Variants in LRP1B observed in about 807,000 individuals in gnomAD.
The protein encoded by LRP1B is LDL receptor related protein 1B, also known as low-density lipoprotein receptor-related protein 1B.
In LRP1B, 217 loss-of-function variants were observed where a neutral mutation model predicts 556.6. The observed-to-expected ratio is 0.39, with a 90% confidence interval of 0.35 to 0.44. LRP1B has a LOEUF of 0.44. Among genes scored for constraint, LRP1B ranks in the 20% least tolerant of loss-of-function variants. LRP1B has a pLI of 1.00. For synonymous variants in LRP1B, 2,047 were observed against 1,865.8 expected (o/e 1.10, Z -2.50); for missense variants, 5,053 against 5,620.8 (o/e 0.90, Z 3.23).
chr2:140,334,566 A>T lies in LRP1B; in HGVS notation c.12117-7T>A. 2.0e-6 allele frequency: 3 copies of T among 1,505,848 alleles called. No individual in the cohort carries two copies. The highest frequency in any genetic ancestry group is 2.7e-6 in the Non-Finnish European group (3 of 1,113,594). The allele number at this position is 1,505,848 out of a possible 1,614,324, so 93.3% of individuals were successfully genotyped here. ...AACAGTCCAGTACATCATCCTGAAG[A>T]GAGCGGGTCAGAGAGGTTAGCCTGG... On this transcript the variant is annotated splice_region_variant and splice_polypyrimidine_tract_variant and intron_variant, in intron 78 of 90. Transcript: ENST00000389484.
chr2:141,066,565 T>C lies in LRP1B; in HGVS notation c.1014-4292A>G, dbSNP rs77695848. Among the ~76,000 whole-genome samples, 799 of 152,052 alleles carry C rather than the reference T, an allele frequency of 5.3e-3. 8 individuals are homozygous for C. Among genetic ancestry groups the C allele is most frequent in the African/African-American group, 0.018 (756 of 41,520 alleles). ...TAAAAATAAGAATTGCTTTTGCCAG[T>C]GATATCCATTTTAAATAATGCTTCT... On this transcript the variant is annotated intron_variant, in intron 7 of 90. Transcript: ENST00000389484.
chr2:140,725,245 T>C (rs1213755689), intron 35 of LRP1B, among the ~76,000 whole-genome samples: 1 of 152,092 alleles, frequency 6.6e-6, no homozygotes, highest in Non-Finnish European at 1.5e-5. Flanking sequence ...TCATATCACT[T>C]CTACATTTTT....
chr2:142,128,053 G>A (rs534178402), intron 1 of LRP1B, among the ~76,000 whole-genome samples: 3 of 152,078 alleles, frequency 2.0e-5, no homozygotes, highest in Non-Finnish European at 2.9e-5. Flanking sequence ...AAACTTACAT[G>A]TACATTAGTT....
rs113237568 is a variant in LRP1B at position 142,130,590 on chromosome 2, C to A, written c.82+58G>T. Reference sequence around the variant, plus strand: ...TTCACACTCACTTATCTGCAAGCATCGCCCAGCAGGAAAGCCAAGGAAGTC... The same window carrying A: ...TTCACACTCACTTATCTGCAAGCATAGCCCAGCAGGAAAGCCAAGGAAGTC... On this transcript the variant is annotated intron_variant, in intron 1 of 90. Transcript: ENST00000389484. 33 of 1,416,380 alleles carry A rather than the reference C, an allele frequency of 2.3e-5. No homozygotes were observed. The African/African-American group carries it at 4.1e-4, about 18-fold the overall frequency. 87.7% of individuals were successfully genotyped at this position (1,416,380 alleles called of 1,614,324 possible). A position where few individuals can be genotyped will look rare whatever the true frequency, so the allele number is the denominator to read the frequency against.
At chr2:140,627,893 A>G (rs1683725933) in intron 41 of LRP1B, among the ~76,000 whole-genome samples, 1 of 127,620 alleles carries the variant, frequency 7.8e-6, no homozygotes, top group Non-Finnish European at 1.7e-5. Flanking sequence ...GATAGAACGA[A>G]AAAAACTTTG....
intron 55 of LRP1B, among the ~76,000 whole-genome samples, chr2:140,501,233 T>G (rs1437645031): frequency 6.6e-6 from 1 of 152,012 alleles, no homozygotes; most frequent in Non-Finnish European, 1.5e-5. Context: ...TATGGATTTT[T>G]TATGTCCTAA....
At chr2:140,973,015 G>A (rs946916267) in intron 18 of LRP1B, among the ~76,000 whole-genome samples, 1 of 141,980 alleles carries the variant, frequency 7.0e-6, no homozygotes, top group Non-Finnish European at 1.5e-5. Flanking sequence ...CATGTTTAGG[G>A]CATTTTCATA....
intron 2 of LRP1B, among the ~76,000 whole-genome samples, chr2:141,590,544 T>A (rs538778827): frequency 2.6e-5 from 4 of 152,252 alleles, no homozygotes; most frequent in Admixed American, 2.6e-4. Flanking sequence ...AAACAGTTTT[T>A]TTTATAGGCA....
At chr2:142,016,942 ATGTGTATATACATAATTGTATGTG>A (rs1013070959) in intron 1 of LRP1B, among the ~76,000 whole-genome samples, 3 of 150,706 alleles carry the variant, frequency 2.0e-5, no homozygotes, top group Non-Finnish European at 4.4e-5. Flanking sequence ...ATATGTATAT[ATGTGTATATACATAATTGTATGTG>A]TGTGTATATA....
chr2:141,146,754 A>G (rs1701793581), intron 7 of LRP1B, among the ~76,000 whole-genome samples: 1 of 152,284 alleles, frequency 6.6e-6, no homozygotes, highest in East Asian at 1.9e-4. Context: ...TACTTTTCCC[A>G]TCAACTATAG....
In LRP1B at chr2:140,776,117, A is replaced by G. The variant is rs1265229732; in HGVS notation, c.5481T>C (p.Tyr1827=). The G allele has an allele frequency of 6.4e-7, 1 of 1,565,772 alleles. No individual in the cohort carries two copies. Among genetic ancestry groups the G allele is most frequent in the African/African-American group, 1.4e-5 (1 of 70,560 alleles). ...ATTTACCTTGCTGTGCTTCTTTATC[A>G]TAGACTTTCATATGAACTACCCCAG... is the stretch of plus-strand genomic sequence containing the variant. The part of the protein sequence containing the change: ...KTSGVVHMKV[Y]DKEAQQGSNS... Residue 1827 remains tyrosine, a synonymous_variant, in exon 33 of 91, where the codon TAT becomes TAC. Coordinates refer to ENST00000389484, the MANE Select transcript of LRP1B (RefSeq NM_018557.3).
chr2:141,291,955 T>G (rs1685984204), intron 3 of LRP1B, among the ~76,000 whole-genome samples: 1 of 150,680 alleles, frequency 6.6e-6, no homozygotes, highest in African/African-American at 2.4e-5. Flanking sequence ...AATATTTAAC[T>G]GTATATCCCC....
chr2:140,783,311 A>G (rs1459059767), intron 32 of LRP1B, among the ~76,000 whole-genome samples: 1 of 152,138 alleles, frequency 6.6e-6, no homozygotes, highest in African/African-American at 2.4e-5. Context: ...TGTCTAAAAT[A>G]GAAAATATAC....
chr2:141,938,247 A>T (rs1442726125), intron 1 of LRP1B, among the ~76,000 whole-genome samples: 2 of 152,174 alleles, frequency 1.3e-5, no homozygotes, highest in Middle Eastern at 3.2e-3. Context: ...GAACTCACAC[A>T]CTCAATAACA....
At chr2:141,490,057 T>C (rs1449596011) in intron 2 of LRP1B, among the ~76,000 whole-genome samples, 2 of 152,160 alleles carry the variant, frequency 1.3e-5, no homozygotes, top group Non-Finnish European at 2.9e-5. Flanking sequence ...CCTTTAGCCA[T>C]CTCTGACATC....
intron 72 of LRP1B, among the ~76,000 whole-genome samples, chr2:140,361,836 C>T (rs903844295): frequency 6.6e-6 from 1 of 151,480 alleles, no homozygotes; most frequent in African/African-American, 2.4e-5. Context: ...TACCTCTTTC[C>T]TTTCAATGTG....
Position 140,485,375 on chromosome 2 carries a change from A to G in LRP1B, c.9393T>C (p.Phe3131=). 6.2e-7 allele frequency: 1 copy of G among 1,611,670 alleles called. No homozygotes were observed. Among genetic ancestry groups the G allele is most frequent in the Non-Finnish European group, 8.5e-7 (1 of 1,179,284 alleles). ...GAGGATCTAAAGACAAGTCTCTGGGAAACTTCAGCCTTTTGCTAACGAGTA... is the reference window on the plus strand; with the variant it reads ...GAGGATCTAAAGACAAGTCTCTGGGGAACTTCAGCCTTTTGCTAACGAGTA... ...PTILVSKRLK[F]PRDLSLDPQA... The change falls in exon 59 of 91, where the codon TTT becomes TTC. Residue 3131 remains phenylalanine, a synonymous_variant. Transcript: ENST00000389484.
chr2:140,824,268 A>G (rs925745150), intron 31 of LRP1B, among the ~76,000 whole-genome samples: 1 of 152,102 alleles, frequency 6.6e-6, no homozygotes, highest in Non-Finnish European at 1.5e-5. Context: ...TAAAAAAGTT[A>G]CTATGCACTG....
chr2:140,716,544 C>G, intron 36 of LRP1B, 138 bp downstream of exon 36: 1 of 811,820 alleles, frequency 1.2e-6, no homozygotes. Context: ...AAGCCAAAAG[C>G]AAAAGAGACT....
Sources: allele counts gnomAD v4.1 joint callset (sites outside exome capture counted in the v4.1 genomes callset), GRCh38; gene constraint gnomAD v4.1.1; transcripts MANE v1.5; gene names NCBI Gene and HGNC (gene_info 2026-07-23, HGNC 2026-07-21).